Variants in GPM6A observed in about 807,000 individuals in gnomAD.
GPM6A encodes the protein glycoprotein M6A.
A neutral mutation model predicts 32.1 loss-of-function variants in GPM6A; 7 were observed. That is an observed-to-expected ratio of 0.22 (90% CI 0.12 to 0.41). The LOEUF (loss-of-function observed/expected upper bound fraction) is 0.41. Ranked by LOEUF, GPM6A falls within the 10% of genes least tolerant of loss-of-function variation. The pLI is 1.00. For synonymous variants in GPM6A, 130 were observed against 123.4 expected (o/e 1.05, Z -0.35); for missense variants, 235 against 347.2 (o/e 0.68, Z 2.57).
chr4:175,767,619 G>C (rs187465276), intron 1 of GPM6A, among the ~76,000 whole-genome samples: 71 of 152,262 alleles, frequency 4.7e-4, no homozygotes, highest in African/African-American at 1.6e-3. Flanking sequence ...CACACCAATT[G>C]TGCACCATCT....
intron 1 of GPM6A, among the ~76,000 whole-genome samples, chr4:175,890,307 C>T (rs1007776297): frequency 6.6e-6 from 1 of 151,798 alleles, no homozygotes; most frequent in African/African-American, 2.4e-5. Context: ...GAATAAACAC[C>T]CTAAAGAACT....
intron 1 of GPM6A, among the ~76,000 whole-genome samples, chr4:175,772,566 G>T (rs1733234023): frequency 1.3e-5 from 2 of 152,058 alleles, no homozygotes; most frequent in Non-Finnish European, 2.9e-5. Flanking sequence ...CTGTCATTCT[G>T]CTGAGTTTTG....
chr4:175,654,212 A>G (rs1741951500), intron 3 of GPM6A: 1 of 152,248 alleles, frequency 6.6e-6, no homozygotes. Flanking sequence ...AATCACTGGC[A>G]TACCACTTAC....
chr4:176,002,297 CCG>C (rs1741511541), intron 1 of GPM6A: 2 of 1,600,718 alleles, frequency 1.2e-6, no homozygotes, highest in Non-Finnish European at 1.7e-6. Context: ...ACGCGCCCGC[CCG>C]CGCACTCACC....
Position 175,812,262 on chromosome 4 carries a change from A to G in GPM6A, c.-35T>C. 6.7e-7 allele frequency: 1 copy of G among 1,482,810 alleles called. No individual in the cohort carries two copies. The highest frequency in any genetic ancestry group is 1.3e-5 in the South Asian group (1 of 74,906). 91.9% of individuals were successfully genotyped at this position (1,482,810 alleles called of 1,614,324 possible). A position where few individuals can be genotyped will look rare whatever the true frequency, so the allele number is the denominator to read the frequency against. On this transcript the variant is annotated 5_prime_UTR_variant, in exon 1 of 7. Coordinates refer to ENST00000393658, the MANE Select transcript of GPM6A (RefSeq NM_201591.3). ...TCTTCAGTAGAATCTGGTACACGGA[A>G]TTAATCAAAAGCTCAATTAGATGTT...
chr4:175,967,701 T>C (rs1343493476), intron 1 of GPM6A, among the ~76,000 whole-genome samples: 1 of 152,124 alleles, frequency 6.6e-6, no homozygotes, highest in Non-Finnish European at 1.5e-5. Context: ...TACCTAGGTA[T>C]AAATCTAACA....
chr4:175,840,762 A>T (rs1035028276), intron 1 of GPM6A, among the ~76,000 whole-genome samples: 1 of 152,210 alleles, frequency 6.6e-6, no homozygotes, highest in Admixed American at 6.5e-5. Flanking sequence ...AGTGTTAATG[A>T]TAATTCAATG....
intron 1 of GPM6A, among the ~76,000 whole-genome samples, chr4:175,965,162 C>T (rs891070518): frequency 1.3e-5 from 2 of 152,258 alleles, no homozygotes; most frequent in East Asian, 1.9e-4. Flanking sequence ...GACCACATTT[C>T]GTGTCCTAAA....
chr4:175,853,981 T>G (rs1244020962), intron 1 of GPM6A, among the ~76,000 whole-genome samples: 3 of 152,114 alleles, frequency 2.0e-5, no homozygotes. Flanking sequence ...CTTAAATATC[T>G]CACAAGGTTA....
At chr4:175,982,756 A>G (rs1192352999) in intron 1 of GPM6A, among the ~76,000 whole-genome samples, 1 of 152,062 alleles carries the variant, frequency 6.6e-6, no homozygotes, top group African/African-American at 2.4e-5. Context: ...TGAATTTGAG[A>G]ATCAACCTAT....
chr4:175,874,573 G>A (rs1401750063), intron 1 of GPM6A, among the ~76,000 whole-genome samples: 1 of 152,094 alleles, frequency 6.6e-6, no homozygotes, highest in Non-Finnish European at 1.5e-5. Flanking sequence ...AGAGAAATTG[G>A]AGACATTTAA....
chr4:175,863,086 G>T (rs971307731), intron 1 of GPM6A, among the ~76,000 whole-genome samples: 36 of 151,832 alleles, frequency 2.4e-4, no homozygotes, highest in Admixed American at 2.3e-3. Context: ...TGTATTAAAG[G>T]TTAATTGAAA....
intron 1 of GPM6A, among the ~76,000 whole-genome samples, chr4:175,869,021 A>G (rs1209574356): frequency 6.6e-6 from 1 of 152,216 alleles, no homozygotes; most frequent in Non-Finnish European, 1.5e-5. Flanking sequence ...ATTTCAATAA[A>G]TGCATAGTAT....
chr4:175,788,990 T>C (rs1457820652), intron 1 of GPM6A, among the ~76,000 whole-genome samples: 1 of 152,066 alleles, frequency 6.6e-6, no homozygotes, highest in African/African-American at 2.4e-5. Context: ...CTCCTGGAAG[T>C]AGGAAGTTAA....
intron 1 of GPM6A, chr4:175,787,489 C>T: frequency 6.7e-7 from 1 of 1,484,758 alleles, no homozygotes; most frequent in South Asian, 1.3e-5. Context: ...TTTTAAGTCA[C>T]TATTTTTGGT....
intron 1 of GPM6A, among the ~76,000 whole-genome samples, chr4:175,911,045 A>G (rs1738298443): frequency 6.6e-6 from 1 of 152,080 alleles, no homozygotes; most frequent in Non-Finnish European, 1.5e-5. Flanking sequence ...ATGCTTACAC[A>G]TCCTATGCCC....
At chr4:175,805,061 C>A (rs185901415) in intron 1 of GPM6A, among the ~76,000 whole-genome samples, 1 of 150,874 alleles carries the variant, frequency 6.6e-6, no homozygotes, top group African/African-American at 2.4e-5. Flanking sequence ...AAAAACAAAA[C>A]AAAACAAAAA....
intron 1 of GPM6A, among the ~76,000 whole-genome samples, chr4:175,916,648 G>T (rs1738503175): frequency 1.3e-5 from 2 of 152,160 alleles, no homozygotes; most frequent in Admixed American, 6.5e-5. Context: ...CTGGCCTGAA[G>T]AGTGTATACA....
chr4:175,911,919 T>C (rs1037250048), intron 1 of GPM6A, among the ~76,000 whole-genome samples: 1 of 152,100 alleles, frequency 6.6e-6, no homozygotes, highest in East Asian at 1.9e-4. Flanking sequence ...GTGACAAAGA[T>C]GATGAATTCT....
Sources: gnomAD v4.1 joint callset for allele counts (sites outside exome capture counted in the v4.1 genomes callset) on GRCh38, gnomAD v4.1.1 for gene constraint, MANE v1.5 for transcripts, NCBI Gene and HGNC (gene_info 2026-07-23, HGNC 2026-07-21) for gene names.